GPC5: variants seen among roughly 807,000 people sequenced by gnomAD.
GPC5 encodes glypican 5.
A neutral mutation model predicts 53.9 loss-of-function variants in GPC5; 47 were observed. That is an observed-to-expected ratio of 0.87 (90% CI 0.69 to 1.11). GPC5 has a LOEUF of 1.11. GPC5 is among the 50% of genes most tolerant of loss of function. GPC5 has a pLI of 0.00. For missense variants in GPC5, 748 were observed against 713.1 expected (o/e 1.05, Z -0.56); for synonymous variants, 286 against 263.3 (o/e 1.09, Z -0.84).
At chr13:92,814,959 A>C (rs949892426) in intron 7 of GPC5, among the ~76,000 whole-genome samples, 6 of 151,908 alleles carry the variant, frequency 3.9e-5, no homozygotes, top group Non-Finnish European at 8.8e-5. Flanking sequence ...CCACATTTTG[A>C]AAAAAATGTT....
chr13:92,053,646 A>T (rs2041048940), intron 6 of GPC5, among the ~76,000 whole-genome samples: 1 of 152,122 alleles, frequency 6.6e-6, no homozygotes, highest in South Asian at 2.1e-4. Context: ...ATATGAAAAT[A>T]TGTACAAAAT....
intron 2 of GPC5, among the ~76,000 whole-genome samples, chr13:91,670,780 C>T (rs762171159): frequency 5.9e-5 from 9 of 152,256 alleles, no homozygotes; most frequent in Admixed American, 2.0e-4. Context: ...AGTCTGAGAG[C>T]GGCTTCAGCA....
chr13:92,179,984 A>G (rs1015895765), intron 7 of GPC5, among the ~76,000 whole-genome samples: 20 of 152,238 alleles, frequency 1.3e-4, no homozygotes, highest in African/African-American at 4.6e-4. Context: ...AATGTAGACT[A>G]TGGACTTCGG....
At chr13:91,729,891 AAAATG>A in intron 4 of GPC5, among the ~76,000 whole-genome samples, 1 of 152,352 alleles carries the variant, frequency 6.6e-6, no homozygotes, top group South Asian at 2.1e-4. Flanking sequence ...ATTCACTAGC[AAAATG>A]AAACCAATGC....
intron 7 of GPC5, among the ~76,000 whole-genome samples, chr13:92,654,967 C>T (rs1017750266): frequency 1.3e-5 from 2 of 152,042 alleles, no homozygotes; most frequent in African/African-American, 4.8e-5. Context: ...GGAGGAGATG[C>T]GTTTATAGAT....
chr13:92,553,339 C>T lies in GPC5; in HGVS notation c.1562-312943C>T, dbSNP rs139305363. ...CATTGCCTATGCCATTATTGTATTA[C>T]TTTAGTCCTCATAATTTCTCACCTA... On this transcript the variant is annotated intron_variant, in intron 7 of 7. Coordinates refer to ENST00000377067, the MANE Select transcript of GPC5 (RefSeq NM_004466.6). Among the ~76,000 whole-genome samples the T allele has an allele frequency of 2.6e-3, 401 of 152,028 alleles. 1 individual carries two copies. Among genetic ancestry groups the T allele is most frequent in the African/African-American group, 9.4e-3 (390 of 41,546 alleles).
chr13:91,540,149 A>G (rs1163210672), intron 2 of GPC5, among the ~76,000 whole-genome samples: 2 of 152,234 alleles, frequency 1.3e-5, no homozygotes, highest in Non-Finnish European at 2.9e-5. Flanking sequence ...TGCATATTCC[A>G]GGAAATACTT....
At chr13:91,917,323 G>A (rs975182995) in intron 6 of GPC5, among the ~76,000 whole-genome samples, 17 of 152,228 alleles carry the variant, frequency 1.1e-4, no homozygotes, top group African/African-American at 4.1e-4. Context: ...AGGTCACACT[G>A]ATGCAAGAGG....
intron 6 of GPC5, among the ~76,000 whole-genome samples, chr13:92,108,430 T>C (rs1011779969): frequency 2.0e-5 from 3 of 152,188 alleles, no homozygotes; most frequent in Non-Finnish European, 4.4e-5. Context: ...ATCATTAGGC[T>C]CATTCCCATA....
chr13:92,560,948 G>C (rs1882676959), intron 7 of GPC5, among the ~76,000 whole-genome samples: 1 of 150,592 alleles, frequency 6.6e-6, no homozygotes, highest in African/African-American at 2.4e-5. Context: ...AAGGATACAG[G>C]AGTAGGCAAT....
intron 2 of GPC5, among the ~76,000 whole-genome samples, chr13:91,498,122 C>G (rs928853088): frequency 6.6e-6 from 1 of 151,712 alleles, no homozygotes; most frequent in African/African-American, 2.4e-5. Flanking sequence ...CTTTTCACCC[C>G]CCTACCTCTA....
intron 7 of GPC5, among the ~76,000 whole-genome samples, chr13:92,188,719 TCAG>T (rs1399785212): frequency 6.6e-6 from 1 of 152,226 alleles, no homozygotes; most frequent in East Asian, 1.9e-4. Context: ...AAATAAAAAT[TCAG>T]CAATATGTTT....
intron 6 of GPC5, among the ~76,000 whole-genome samples, chr13:92,130,214 G>A (rs1176524546): frequency 6.6e-6 from 1 of 151,980 alleles, no homozygotes; most frequent in Non-Finnish European, 1.5e-5. Flanking sequence ...ATTTAGACAA[G>A]TAATTGTTGA....
At chr13:91,557,942 G>A (rs138303978) in intron 2 of GPC5, among the ~76,000 whole-genome samples, 43 of 152,222 alleles carry the variant, frequency 2.8e-4, no homozygotes, top group Non-Finnish European at 3.1e-4. Flanking sequence ...CCAGAAAAAC[G>A]TGGGATTGAG....
chr13:92,601,158 T>A (rs1884037941), intron 7 of GPC5, among the ~76,000 whole-genome samples: 1 of 152,184 alleles, frequency 6.6e-6, no homozygotes. Flanking sequence ...ATTTCCAACA[T>A]GTCTTGAATT....
chr13:91,422,432 T>C (rs888256255), intron 1 of GPC5, among the ~76,000 whole-genome samples: 4 of 152,072 alleles, frequency 2.6e-5, no homozygotes, highest in African/African-American at 9.7e-5. Context: ...GGTCAGGTGG[T>C]TGAGACTAGC....
chr13:91,877,526 C>T (rs1042569905), intron 5 of GPC5, among the ~76,000 whole-genome samples: 1 of 152,244 alleles, frequency 6.6e-6, no homozygotes, highest in South Asian at 2.1e-4. Context: ...GGCCCTGTAA[C>T]GTCTTTGTTT....
At chr13:91,940,913 T>A (rs1202596113) in intron 6 of GPC5, among the ~76,000 whole-genome samples, 1 of 152,100 alleles carries the variant, frequency 6.6e-6, no homozygotes, top group Non-Finnish European at 1.5e-5. Context: ...ATGCATAGTA[T>A]GTGAATATTT....
At chr13:92,640,716 G>T (rs1427267715) in intron 7 of GPC5, among the ~76,000 whole-genome samples, 1 of 152,074 alleles carries the variant, frequency 6.6e-6, no homozygotes, top group Non-Finnish European at 1.5e-5. Context: ...ATGGGGACAT[G>T]CCAAAAAGAA....
Sources: allele counts gnomAD v4.1 joint callset (sites outside exome capture counted in the v4.1 genomes callset), GRCh38; gene constraint gnomAD v4.1.1; transcripts MANE v1.5; gene names NCBI Gene and HGNC (gene_info 2026-07-23, HGNC 2026-07-21).